The following SLC35F2 variants were observed in gnomAD, a reference collection of about 807,000 sequenced individuals.
The protein encoded by SLC35F2 is queuine/queuosine transporter SLC35F2.
In SLC35F2, 25 loss-of-function variants were observed where a neutral mutation model predicts 38.1. That is an observed-to-expected ratio of 0.66 (90% CI 0.48 to 0.92). The LOEUF is 0.92. SLC35F2 is among the 40% of genes least tolerant of loss of function. SLC35F2 has a pLI of 0.00. For missense variants in SLC35F2, 409 were observed against 452.9 expected (o/e 0.90, Z 0.88); for synonymous variants, 173 against 181.7 (o/e 0.95, Z 0.38).
intron 1 of SLC35F2, among the ~76,000 whole-genome samples, chr11:107,821,020 G>A (rs1257484075): frequency 6.6e-6 from 1 of 152,074 alleles, no homozygotes; most frequent in Non-Finnish European, 1.5e-5. Flanking sequence ...AGGAAAGAAG[G>A]AACCTGGCCT....
At chr11:107,816,260 G>A (rs1859571948) in intron 1 of SLC35F2, 1 of 950,958 alleles carries the variant, frequency 1.1e-6, no homozygotes, top group African/African-American at 2.5e-5. Context: ...ACTTTGTAAA[G>A]TGCGCACGTG....
chr11:107,794,076 A>AT (rs1380874495), intron 7 of SLC35F2, among the ~76,000 whole-genome samples: 1 of 127,208 alleles, frequency 7.9e-6, no homozygotes, highest in East Asian at 2.4e-4. Context: ...ATCAGTCTGT[A>AT]TTTTTTCTTT....
chr11:107,825,021 CAT>C (rs1288245202), intron 1 of SLC35F2, among the ~76,000 whole-genome samples: 1 of 151,856 alleles, frequency 6.6e-6, no homozygotes, highest in Non-Finnish European at 1.5e-5. Flanking sequence ...ATAAAATAGC[CAT>C]ATATGGAGAA....
At chr11:107,855,185 C>T (rs1860256642) in intron 1 of SLC35F2, among the ~76,000 whole-genome samples, 1 of 152,022 alleles carries the variant, frequency 6.6e-6, no homozygotes. Context: ...AGAAGCTCAG[C>T]CCAAGACCCT....
At chr11:107,846,834 G>C (rs1591209763) in intron 1 of SLC35F2, among the ~76,000 whole-genome samples, 1 of 151,388 alleles carries the variant, frequency 6.6e-6, no homozygotes, top group East Asian at 1.9e-4. Context: ...GGAGGCTGAG[G>C]CAGGAGAATC....
chr11:107,793,571 C>T lies in SLC35F2; in HGVS notation c.940-771G>A, dbSNP rs114311640. Among the ~76,000 whole-genome samples the T allele has an allele frequency of 4.7e-3, 720 of 152,104 alleles. 5 individuals carry two copies. The highest frequency in any genetic ancestry group is 0.016 in the African/African-American group (685 of 41,516). Reference sequence around the variant, plus strand: ...CTGCTCAACAGCCTCTCAATGTGTGCTATTCAATGAAATTCATTTTGCTAA... The same window carrying T: ...CTGCTCAACAGCCTCTCAATGTGTGTTATTCAATGAAATTCATTTTGCTAA... On this transcript the variant is annotated intron_variant, in intron 7 of 7. Coordinates refer to ENST00000525815, the MANE Select transcript of SLC35F2 (RefSeq NM_017515.5).
chr11:107,853,719 CA>C (rs67932834), intron 1 of SLC35F2, among the ~76,000 whole-genome samples: 3,004 of 68,118 alleles, frequency 0.044, 41 homozygotes, highest in African/African-American at 0.16. Flanking sequence ...GACTCCGTCT[CA>C]AAAAAAAAAA....
chr11:107,853,771 C>CACTCTGCT (rs1555087974), intron 1 of SLC35F2, among the ~76,000 whole-genome samples: 1 of 149,170 alleles, frequency 6.7e-6, no homozygotes, highest in Non-Finnish European at 1.5e-5. Context: ...CCATGTCCAG[C>CACTCTGCT]ACTCTGCTAC....
At chr11:107,799,217 AATCTG>A (rs965991508) in intron 7 of SLC35F2, among the ~76,000 whole-genome samples, 2 of 152,216 alleles carry the variant, frequency 1.3e-5, no homozygotes, top group Admixed American at 6.5e-5. Context: ...AAATAGTAAA[AATCTG>A]ATCTAAGAAT....
In SLC35F2 at chr11:107,851,739, G is replaced by A. The variant is rs1448663609; in HGVS notation, c.110+6919C>T. Among the ~76,000 whole-genome samples, 4 of 152,096 alleles carry A rather than the reference G, an allele frequency of 2.6e-5. No individual in the cohort carries two copies. The East Asian group carries it at 5.8e-4, about 22-fold the overall frequency. On this transcript the variant is annotated intron_variant, in intron 1 of 7. Transcript: ENST00000525815. ...TAACTAGATATGATTCCTGACTCCT[G>A]GAGTCTAGTAGAATGGGCAGATAGT...
At chr11:107,802,396 C>A (rs545719934) in intron 7 of SLC35F2, among the ~76,000 whole-genome samples, 49 of 152,292 alleles carry the variant, frequency 3.2e-4, no homozygotes, top group Admixed American at 9.8e-4. Context: ...CCTTCCACCC[C>A]ACCTGCCTTG....
At chr11:107,815,409 T>C (rs983809797) in intron 2 of SLC35F2, among the ~76,000 whole-genome samples, 11 of 149,056 alleles carry the variant, frequency 7.4e-5, no homozygotes, top group African/African-American at 2.7e-4. Context: ...AAAAAAAAAT[T>C]AGCCAGGCAT....
chr11:107,809,923 T>C, intron 3 of SLC35F2: 1 of 985,266 alleles, frequency 1.0e-6, no homozygotes, highest in Non-Finnish European at 1.2e-6. Flanking sequence ...GAGTGGGAAA[T>C]GGGTTGATGT....
chr11:107,823,335 A>G, intron 1 of SLC35F2: 2 of 451,606 alleles, frequency 4.4e-6, no homozygotes, highest in Non-Finnish European at 5.8e-6. Context: ...CCTTCACTTT[A>G]TGTCTCAATA....
At chr11:107,821,576 T>C (rs11826203) in intron 1 of SLC35F2, 65,173 of 985,198 alleles carry the variant, frequency 0.066, 2,301 homozygotes, top group African/African-American at 0.13. Context: ...ACTTTCATGT[T>C]TGTATAAATT....
At chr11:107,792,894 TA>T in intron 7 of SLC35F2, 94 bp from the exon 8 acceptor site, 1 of 1,376,492 alleles carries the variant, frequency 7.3e-7, no homozygotes, top group East Asian at 2.9e-5. Context: ...TACCCTCTCA[TA>T]ATCTTTTTAT....
At chr11:107,804,057 C>T (rs564196045) in intron 6 of SLC35F2, among the ~76,000 whole-genome samples, 237 of 149,620 alleles carry the variant, frequency 1.6e-3, no homozygotes, top group African/African-American at 5.2e-3. Flanking sequence ...AGGCTGGTCT[C>T]GAACTCCTGA....
At position 107,832,069 on chromosome 11, in the gene SLC35F2, T is replaced by C. The variant is rs976809907; in HGVS notation, c.111-16104A>G. Among the ~76,000 whole-genome samples, 3 of 152,184 alleles carry C rather than the reference T, an allele frequency of 2.0e-5. No individual in the cohort carries two copies. The South Asian group carries it at 6.2e-4, about 32-fold the overall frequency. ...TTTTTTTCTGCTGATCTTCACCAAA[T>C]GTTATACTGCATTTCTTAGACTAAA... On this transcript the variant is annotated intron_variant, in intron 1 of 7. Coordinates refer to ENST00000525815, the MANE Select transcript of SLC35F2 (RefSeq NM_017515.5).
At position 107,805,378 on chromosome 11, in the gene SLC35F2, T is replaced by C. The variant is rs147722849; in HGVS notation, c.712A>G (p.Ile238Val). The C allele has an allele frequency of 3.2e-4, 521 of 1,613,838 alleles. No homozygotes were observed. In the African/African-American group the frequency reaches 5.3e-3, roughly 16 times the overall value. ...FLGMVGLFGTIISGIQLLIVE... is the reference protein window; with the variant it reads ...FLGMVGLFGTVISGIQLLIVE... The stretch of plus-strand genomic sequence containing the variant: ...TCTTACAGCTGTATACCACTGATAA[T>C]TGTTCCAAACAGGCCCACCATTCCT... Residue 238 changes from isoleucine (I) to valine (V), a missense_variant, in exon 5 of 8, where the codon ATT (isoleucine) becomes GTT (valine). Physicochemically the swap from Ile to Val is conservative, Grantham distance 29 (BLOSUM62 3). Transcript: ENST00000525815.
Sources: allele counts gnomAD v4.1 joint callset (sites outside exome capture counted in the v4.1 genomes callset), GRCh38; gene constraint gnomAD v4.1.1; transcripts MANE v1.5; gene names NCBI Gene and HGNC (gene_info 2026-07-23, HGNC 2026-07-21).